The following PCNX2 variants were observed in gnomAD, a reference collection of about 807,000 sequenced individuals.
PCNX2 encodes pecanex-like protein 2.
In PCNX2, 168 loss-of-function variants were observed where a neutral mutation model predicts 223.8. That is an observed-to-expected ratio of 0.75 (90% CI 0.66 to 0.85). The LOEUF (loss-of-function observed/expected upper bound fraction) is 0.85, where lower values mean the gene tolerates loss of function less well. Ranked by LOEUF, PCNX2 falls within the 40% of genes least tolerant of loss-of-function variation. PCNX2 has a pLI of 0.00. For synonymous variants in PCNX2, 1,006 were observed against 1,052.6 expected, an observed-to-expected ratio of 0.96 and a Z score of 0.86; for missense variants, 2,507 against 2,675.5, an observed-to-expected ratio of 0.94 and a Z score of 1.39.
At chr1:233,005,292 A>G (rs1670241286) in intron 28 of PCNX2, among the ~76,000 whole-genome samples, 1 of 152,190 alleles carries the variant, frequency 6.6e-6, no homozygotes, top group African/African-American at 2.4e-5. Context: ...TAACACCCAG[A>G]CACCCAGAGC....
At chr1:233,125,999 C>T (rs1204779614) in intron 21 of PCNX2, 4 of 152,254 alleles carry the variant, frequency 2.6e-5, no homozygotes, top group Non-Finnish European at 5.9e-5. Flanking sequence ...CACCCGAGGT[C>T]AGGAGTTCAA....
At chr1:233,141,918 ATC>A (rs1677152338) in intron 19 of PCNX2, among the ~76,000 whole-genome samples, 2 of 152,214 alleles carry the variant, frequency 1.3e-5, no homozygotes, top group Non-Finnish European at 2.9e-5. Flanking sequence ...ATAAAGTATT[ATC>A]AGTACAAACA....
chr1:233,008,859 A>C (rs1670370801), intron 28 of PCNX2, among the ~76,000 whole-genome samples: 2 of 152,226 alleles, frequency 1.3e-5, no homozygotes, highest in Admixed American at 1.3e-4. Flanking sequence ...AGCTCTCAGC[A>C]TCACAACCTA....
At chr1:233,084,085 G>A (rs545160076) in intron 23 of PCNX2, among the ~76,000 whole-genome samples, 4 of 152,310 alleles carry the variant, frequency 2.6e-5, no homozygotes, top group South Asian at 2.1e-4. Flanking sequence ...CTTTTGGTGC[G>A]TATGACTTCT....
chr1:233,320,201 A>G, the PCNX2 span, among the ~76,000 whole-genome samples: 1 of 152,116 alleles, frequency 6.6e-6, no homozygotes. Context: ...AAAACCTTTC[A>G]CCTGATTTTC....
chr1:233,051,462 A>G (rs558805952), intron 25 of PCNX2, among the ~76,000 whole-genome samples: 1 of 152,338 alleles, frequency 6.6e-6, no homozygotes, highest in African/African-American at 2.4e-5. Context: ...CATCAACAGT[A>G]GACTGGATAA....
intron 21 of PCNX2, among the ~76,000 whole-genome samples, chr1:233,096,446 G>A (rs1461625379): frequency 1.3e-5 from 2 of 152,194 alleles, no homozygotes; most frequent in Non-Finnish European, 2.9e-5. Flanking sequence ...ACAGTTCAGT[G>A]GTTTGACTGG....
intron 17 of PCNX2, among the ~76,000 whole-genome samples, chr1:233,168,675 T>C (rs116482669): frequency 0.013 from 1,965 of 152,246 alleles, 26 homozygotes; most frequent in South Asian, 0.037. Context: ...ATTATCTTTA[T>C]ATACTAATTT....
rs1344991257 is a variant in PCNX2, at chr1:232,999,350, C to T, written c.5358G>A (p.Trp1786Ter). The T allele has an allele frequency of 6.3e-7, 1 of 1,597,692 alleles. No individual in the cohort carries two copies. The highest frequency in any genetic ancestry group is 1.7e-5 in the Admixed American group (1 of 57,594). Residue 1786 changes from tryptophan to a stop codon, truncating the protein, a stop_gained, in exon 31 of 34, where the codon TGG becomes TGA. Coordinates refer to ENST00000258229, the MANE Select transcript of PCNX2 (RefSeq NM_014801.4). LOFTEE classifies it high-confidence loss of function. ...KVNKECVRGL[W>*]AGQQQELIFL... Reference sequence around the variant, plus strand: ...ATATAAGCTCCTGCTGCTGCCCGGCCCAAAGTCCTCGGACGCATTCTTTGT... The same window carrying T: ...ATATAAGCTCCTGCTGCTGCCCGGCTCAAAGTCCTCGGACGCATTCTTTGT...
At chr1:233,122,360 C>G (rs998235390) in intron 21 of PCNX2, among the ~76,000 whole-genome samples, 1 of 152,054 alleles carries the variant, frequency 6.6e-6, no homozygotes, top group Admixed American at 6.6e-5. Flanking sequence ...AACATAACTT[C>G]CCATTCCTTC....
intron 27 of PCNX2, 95 bp from the exon 28 acceptor site, chr1:233,014,872 A>T: frequency 3.2e-6 from 3 of 934,784 alleles, no homozygotes; most frequent in Non-Finnish European, 5.0e-6. Context: ...TTTGTAAGTC[A>T]GCCACGTGGT....
intron 8 of PCNX2, among the ~76,000 whole-genome samples, chr1:233,248,630 G>T (rs1659268358): frequency 6.6e-6 from 1 of 152,086 alleles, no homozygotes; most frequent in South Asian, 2.1e-4. Flanking sequence ...ATGGACCCAA[G>T]ACTGTTCAGT....
At chr1:233,257,468 C>A (rs1659797551) in intron 5 of PCNX2, among the ~76,000 whole-genome samples, 1 of 152,174 alleles carries the variant, frequency 6.6e-6, no homozygotes, top group South Asian at 2.1e-4. Context: ...TAAATGAGAA[C>A]CCTTCCAGGC....
chr1:233,117,705 C>A (rs545408776), intron 21 of PCNX2, among the ~76,000 whole-genome samples: 1 of 151,242 alleles, frequency 6.6e-6, no homozygotes, highest in Admixed American at 6.6e-5. Flanking sequence ...AAATAGCATT[C>A]ATAAACAATT....
chr1:233,242,292 CTT>C (rs1400215702), intron 8 of PCNX2, among the ~76,000 whole-genome samples: 1 of 152,188 alleles, frequency 6.6e-6, no homozygotes, highest in Non-Finnish European at 1.5e-5. Flanking sequence ...CCATCCTACT[CTT>C]ATTTTTTAAA....
chr1:233,014,662 T>C lies in PCNX2; in HGVS notation c.4952+3A>G. 6.2e-7 allele frequency: 1 copy of C among 1,612,982 alleles called. No homozygotes were observed. The highest frequency in any genetic ancestry group is 8.5e-7 in the Non-Finnish European group (1 of 1,178,998). ...AGAGATTCTAACTTCTCCCCCCAGG[T>C]ACCTGATGGCCATATTGTGAGCGGC... On this transcript the variant is annotated splice_donor_region_variant and intron_variant, in intron 28 of 33. Transcript: ENST00000258229.
intron 17 of PCNX2, among the ~76,000 whole-genome samples, chr1:233,162,244 A>C (rs1287169167): frequency 1.3e-5 from 2 of 152,140 alleles, no homozygotes; most frequent in East Asian, 3.9e-4. Context: ...AGCAAACAGG[A>C]GGAACCATCA....
rs1012526209 is a variant in PCNX2, at chr1:233,253,647, G to C, written c.1835-859C>G. Among the ~76,000 whole-genome samples the C allele has an allele frequency of 6.6e-6, 1 of 152,180 alleles. No homozygotes were observed. Among genetic ancestry groups the C allele is most frequent in the African/African-American group, 2.4e-5 (1 of 41,452 alleles). On this transcript the variant is annotated intron_variant, in intron 5 of 33. Coordinates refer to ENST00000258229, the MANE Select transcript of PCNX2 (RefSeq NM_014801.4). The surrounding 1 kb of genome is among the most constrained non-coding windows in gnomAD (Gnocchi z 4.2). ...AGGCATGAGCCACCACACCCGGCCT[G>C]CTGATTTTGAACAATATGCTTAGCA...
intron 30 of PCNX2, chr1:232,999,732 A>G (rs1042924012): frequency 2.1e-5 from 5 of 239,762 alleles, no homozygotes; most frequent in Non-Finnish European, 4.1e-5. Flanking sequence ...TTTAACTACA[A>G]TGAGAGAGCA....
Sources: allele counts gnomAD v4.1 joint callset (sites outside exome capture counted in the v4.1 genomes callset), GRCh38; gene constraint gnomAD v4.1.1; non-coding constraint Gnocchi (gnomAD v3.1); transcripts MANE v1.5; gene names NCBI Gene and HGNC (gene_info 2026-07-23, HGNC 2026-07-21).